Variants in MARCHF5 observed in about 807,000 individuals in gnomAD.
MARCHF5 encodes the protein membrane associated ring-CH-type finger 5.
Under a neutral mutation model 36.5 loss-of-function variants are expected in MARCHF5, and 5 were observed. The ratio of observed to expected loss-of-function variants is 0.14; its 90% confidence interval spans 0.07 to 0.29. The LOEUF (loss-of-function observed/expected upper bound fraction) is 0.29. Among genes scored for constraint, MARCHF5 ranks in the 10% least tolerant of loss-of-function variants. The probability of loss-of-function intolerance (pLI) is 1.00; values close to 1 mark genes in which losing one functional copy is unlikely to be tolerated. For synonymous variants in MARCHF5, 103 were observed against 109.9 expected (o/e 0.94, Z 0.39); for missense variants, 179 against 336.3 (o/e 0.53, Z 3.66).
intron 2 of MARCHF5, among the ~76,000 whole-genome samples, chr10:92,338,218 A>G (rs1228960072): frequency 6.6e-6 from 1 of 152,032 alleles, no homozygotes; most frequent in Admixed American, 6.6e-5. Flanking sequence ...CAACCATACG[A>G]AGGTTGAAGT....
At chr10:92,295,310 CTTTTCTT>C (rs1441542985) in intron 1 of MARCHF5, among the ~76,000 whole-genome samples, 331 of 26,202 alleles carry the variant, frequency 0.013, 3 homozygotes, top group African/African-American at 0.038. Context: ...CTAGAGGCAA[CTTTTCTT>C]TTTTTTTTTT....
At chr10:92,297,755 G>A (rs1842965424) in intron 1 of MARCHF5, among the ~76,000 whole-genome samples, 1 of 152,020 alleles carries the variant, frequency 6.6e-6, no homozygotes, top group Non-Finnish European at 1.5e-5. Context: ...CTCCCAAAGT[G>A]CTGGGATTTC....
chr10:92,328,821 A>T (rs2798256), intron 2 of MARCHF5, among the ~76,000 whole-genome samples: 81,663 of 122,740 alleles, frequency 0.67, 27,611 homozygotes, highest in South Asian at 0.79. Flanking sequence ...ATATATATAT[A>T]TTTTTTTTTT....
intron 1 of MARCHF5, among the ~76,000 whole-genome samples, chr10:92,306,968 T>C (rs750747176): frequency 3.9e-5 from 6 of 151,910 alleles, no homozygotes; most frequent in Non-Finnish European, 8.8e-5. Context: ...GAGTCAAGAT[T>C]GCACCACTGC....
chr10:92,311,396 A>C, intron 2 of MARCHF5, 59 bp downstream of exon 2: 1 of 1,207,752 alleles, frequency 8.3e-7, no homozygotes. Context: ...ATAACTTTAT[A>C]AGTTCATTTT....
chr10:92,346,491 TC>T (rs1279464950), intron 3 of MARCHF5, among the ~76,000 whole-genome samples: 7 of 137,856 alleles, frequency 5.1e-5, no homozygotes, highest in Non-Finnish European at 3.2e-5. Flanking sequence ...CCTATTTCCT[TC>T]TTTTTTTTTT....
rs1842864057 is a variant in MARCHF5 at position 92,291,545 on chromosome 10, G to A, written c.35+16G>A. On this transcript the variant is annotated intron_variant, in intron 1 of 5. Transcript: ENST00000358935. Reference sequence around the variant, plus strand: ...TGCTGGACAGGTACGGGCAGCTGTGGGGGGGACCGGGAGCCGCCGACCCTC... The same window carrying A: ...TGCTGGACAGGTACGGGCAGCTGTGAGGGGGACCGGGAGCCGCCGACCCTC... 1 of 1,533,460 alleles carries A rather than the reference G, an allele frequency of 6.5e-7. No homozygotes were observed. Among genetic ancestry groups the A allele is most frequent in the South Asian group, 1.2e-5 (1 of 83,342 alleles). 95.0% of individuals were successfully genotyped at this position (1,533,460 alleles called of 1,614,324 possible).
At chr10:92,334,351 T>C (rs954473030) in intron 2 of MARCHF5, 4 of 152,174 alleles carry the variant, frequency 2.6e-5, no homozygotes, top group Non-Finnish European at 4.4e-5. Context: ...AGAAGGAACT[T>C]ATCGTCTCAG....
intron 2 of MARCHF5, among the ~76,000 whole-genome samples, chr10:92,339,246 T>A (rs1843544040): frequency 6.6e-6 from 1 of 151,962 alleles, no homozygotes; most frequent in South Asian, 2.1e-4. Flanking sequence ...GGCACATGCC[T>A]GTAATCCCAG....
At chr10:92,298,192 A>G (rs1842970753) in intron 1 of MARCHF5, among the ~76,000 whole-genome samples, 1 of 152,212 alleles carries the variant, frequency 6.6e-6, no homozygotes, top group Admixed American at 6.5e-5. Flanking sequence ...ATGTATATGT[A>G]TACTAAAGGT....
At chr10:92,295,201 G>C (rs1842933009) in intron 1 of MARCHF5, among the ~76,000 whole-genome samples, 1 of 151,616 alleles carries the variant, frequency 6.6e-6, no homozygotes. Context: ...CAATTCCAGG[G>C]GTGTTTGTGT....
At chr10:92,299,758 G>A (rs1842990504) in intron 1 of MARCHF5, among the ~76,000 whole-genome samples, 1 of 152,110 alleles carries the variant, frequency 6.6e-6, no homozygotes, top group Admixed American at 6.6e-5. Flanking sequence ...TTAGTGCATA[G>A]GAGACCCTCT....
At chr10:92,346,492 C>CTTTTTTTTTTT (rs763991703) in intron 3 of MARCHF5, among the ~76,000 whole-genome samples, 5 of 88,298 alleles carry the variant, frequency 5.7e-5, no homozygotes, top group Admixed American at 1.4e-4. Context: ...CTATTTCCTT[C>CTTTTTTTTTTT]TTTTTTTTTT....
At chr10:92,347,182 T>C (rs1843654619) in intron 3 of MARCHF5, among the ~76,000 whole-genome samples, 1 of 152,086 alleles carries the variant, frequency 6.6e-6, no homozygotes, top group African/African-American at 2.4e-5. Flanking sequence ...TGTCTTTTTT[T>C]TTCTTTAAAG....
chr10:92,345,960 G>A (rs1359300891), intron 3 of MARCHF5, among the ~76,000 whole-genome samples: 2 of 152,062 alleles, frequency 1.3e-5, no homozygotes, highest in Non-Finnish European at 2.9e-5. Flanking sequence ...AAAGTGCTTG[G>A]ATTACAGGCG....
intron 2 of MARCHF5, among the ~76,000 whole-genome samples, chr10:92,338,011 A>C (rs1330715720): frequency 2.1e-5 from 3 of 143,004 alleles, no homozygotes; most frequent in African/African-American, 5.1e-5. Context: ...CCATCTCTAC[A>C]AAAAAAAAAA....
Position 92,351,744 on chromosome 10 carries a change from A to C in MARCHF5, c.*537A>C, listed in dbSNP as rs1843716415. The C allele has an allele frequency of 6.5e-6, 1 of 152,672 alleles. No individual in the cohort carries two copies. The highest frequency in any genetic ancestry group is 1.5e-5 in the Non-Finnish European group (1 of 68,046). The allele number at this position is 152,672 out of a possible 1,614,324, so 9.5% of individuals were successfully genotyped here. On this transcript the variant is annotated 3_prime_UTR_variant, in exon 6 of 6. Transcript: ENST00000358935. ...AAACATTCAAATGATTATCTGAACA[A>C]ATGAGATTTTGTGGTGTTTTCTTTA...
intron 3 of MARCHF5, among the ~76,000 whole-genome samples, chr10:92,348,262 G>C (rs1217029388): frequency 1.3e-5 from 2 of 151,810 alleles, no homozygotes; most frequent in South Asian, 4.2e-4. Context: ...GCCGAGGCAG[G>C]CTGATCACCT....
rs1274997440 is a variant in MARCHF5 at position 92,352,907 on chromosome 10, A to G, written c.*1700A>G. On this transcript the variant is annotated 3_prime_UTR_variant, in exon 6 of 6. Transcript: ENST00000358935. ...ATTATAGGCTGTAATTATAAAATAT[A>G]TTGGCTTTTGTTTTCAATGTGAAAG... 1 of 152,624 alleles carries G rather than the reference A, an allele frequency of 6.6e-6. No homozygotes were observed. The highest frequency in any genetic ancestry group is 1.5e-5 in the Non-Finnish European group (1 of 68,046). 9.5% of individuals were successfully genotyped at this position (152,624 alleles called of 1,614,324 possible).
Sources: gnomAD v4.1 joint callset for allele counts (sites outside exome capture counted in the v4.1 genomes callset) on GRCh38, gnomAD v4.1.1 for gene constraint, MANE v1.5 for transcripts, NCBI Gene and HGNC (gene_info 2026-07-23, HGNC 2026-07-21) for gene names.